NRXN1: variants seen among roughly 807,000 people sequenced by gnomAD.
NRXN1 encodes neurexin 1.
A neutral mutation model predicts 150.9 loss-of-function variants in NRXN1; 39 were observed. The observed-to-expected ratio is 0.26, with a 90% CI of 0.20 to 0.34. NRXN1 has a LOEUF of 0.34. Ranked by LOEUF, NRXN1 falls within the 10% of genes least tolerant of loss-of-function variation. The pLI, the probability that NRXN1 is intolerant of heterozygous loss-of-function variation, is 1.00. For missense variants in NRXN1, 1,815 were observed against 1,949.9 expected (o/e 0.93, Z 1.30); for synonymous variants, 924 against 757.0 (o/e 1.22, Z -3.62).
intron 21 of NRXN1, among the ~76,000 whole-genome samples, chr2:50,011,392 T>C (rs1489683807): frequency 6.6e-6 from 1 of 152,158 alleles, no homozygotes; most frequent in Non-Finnish European, 1.5e-5. Context: ...GAAATAAACA[T>C]GTTCAGAGAA....
chr2:50,935,245 A>C (rs990999599), intron 2 of NRXN1, among the ~76,000 whole-genome samples: 11 of 152,192 alleles, frequency 7.2e-5, no homozygotes, highest in Admixed American at 6.6e-4. Context: ...TAGAAAAATA[A>C]ACCAAATGAG....
At chr2:50,528,241 A>ATT (rs3052538) in intron 12 of NRXN1, among the ~76,000 whole-genome samples, 40,702 of 151,112 alleles carry the variant, frequency 0.27, 6,350 homozygotes, top group Admixed American at 0.35. Flanking sequence ...GGAATTAAGT[A>ATT]TTTTTTTTTG....
intron 18 of NRXN1, among the ~76,000 whole-genome samples, chr2:50,107,539 A>ATATTTTTT (rs59921941): frequency 1.5e-5 from 2 of 129,884 alleles, no homozygotes; most frequent in Non-Finnish European, 3.2e-5. Flanking sequence ...ATATATATAT[A>ATATTTTTT]TTTTTTTTTT....
At chr2:50,975,185 T>G (rs1421087090) in intron 2 of NRXN1, among the ~76,000 whole-genome samples, 1 of 152,172 alleles carries the variant, frequency 6.6e-6, no homozygotes, top group Non-Finnish European at 1.5e-5. Flanking sequence ...TAATGGAAAG[T>G]ATTCTTGTAT....
chr2:50,260,070 G>A (rs2068095793), intron 17 of NRXN1, among the ~76,000 whole-genome samples: 1 of 151,706 alleles, frequency 6.6e-6, no homozygotes, highest in Admixed American at 6.6e-5. Flanking sequence ...TATCAACTCT[G>A]TTGACCCTCA....
intron 22 of NRXN1, among the ~76,000 whole-genome samples, chr2:49,928,186 A>C (rs1248950969): frequency 6.6e-6 from 1 of 152,020 alleles, no homozygotes; most frequent in Non-Finnish European, 1.5e-5. Flanking sequence ...AGGGATCATT[A>C]AACTCCATAA....
At chr2:50,078,921 A>C (rs914624987) in intron 19 of NRXN1, among the ~76,000 whole-genome samples, 8 of 152,080 alleles carry the variant, frequency 5.3e-5, no homozygotes, top group African/African-American at 1.7e-4. Context: ...TTCTACTGAA[A>C]ACTTTTTCGC....
intron 21 of NRXN1, among the ~76,000 whole-genome samples, chr2:50,027,264 C>T (rs1220508362): frequency 6.6e-6 from 1 of 151,036 alleles, no homozygotes; most frequent in Non-Finnish European, 1.5e-5. Context: ...TCCTTCTTTC[C>T]TTCCTTCCTT....
intron 5 of NRXN1, among the ~76,000 whole-genome samples, chr2:50,818,457 A>AT (rs769858385): frequency 6.6e-6 from 1 of 151,774 alleles, no homozygotes; most frequent in Admixed American, 6.6e-5. Context: ...TTAATTTTTT[A>AT]TTTTTTTATT....
At chr2:50,170,884 C>T (rs554714228) in intron 18 of NRXN1, among the ~76,000 whole-genome samples, 2 of 151,628 alleles carry the variant, frequency 1.3e-5, no homozygotes, top group South Asian at 4.2e-4. Context: ...TTTTGGCACC[C>T]CCAAATTTTA....
intron 17 of NRXN1, among the ~76,000 whole-genome samples, chr2:50,424,317 A>G (rs1399378334): frequency 1.4e-3 from 69 of 49,908 alleles, no homozygotes; most frequent in East Asian, 9.5e-3. Flanking sequence ...GAGGGGGAGG[A>G]GGAGGAGGAG....
chr2:51,015,834 C>T (rs541954022), intron 2 of NRXN1, among the ~76,000 whole-genome samples: 6 of 151,730 alleles, frequency 4.0e-5, no homozygotes, highest in South Asian at 4.2e-4. Context: ...AAATGGAGCA[C>T]GTTTTTAAAC....
intron 5 of NRXN1, among the ~76,000 whole-genome samples, chr2:50,890,502 A>T (rs560626903): frequency 6.6e-6 from 1 of 151,918 alleles, no homozygotes; most frequent in Non-Finnish European, 1.5e-5. Flanking sequence ...GATTTTTTTT[A>T]ATGTGAATCG....
intron 5 of NRXN1, among the ~76,000 whole-genome samples, chr2:50,760,355 T>C (rs1701665239): frequency 6.6e-6 from 1 of 151,986 alleles, no homozygotes; most frequent in South Asian, 2.1e-4. Context: ...TTGTTCCCAG[T>C]CATAGGCCTC....
intron 8 of NRXN1, among the ~76,000 whole-genome samples, chr2:50,591,927 TCAAA>T (rs1018523226): frequency 1.3e-5 from 2 of 152,098 alleles, no homozygotes; most frequent in African/African-American, 2.4e-5. Context: ...TGTGTGGATC[TCAAA>T]CAGTTACTGT....
intron 21 of NRXN1, chr2:49,973,908 AAAC>A: frequency 1.5e-6 from 1 of 688,610 alleles, no homozygotes; most frequent in Middle Eastern, 2.4e-4. Flanking sequence ...CTGGTATCTT[AAAC>A]CCTGCATGCT....
At chr2:50,670,727 C>G (rs1012446651) in intron 5 of NRXN1, among the ~76,000 whole-genome samples, 1 of 151,892 alleles carries the variant, frequency 6.6e-6, no homozygotes, top group African/African-American at 2.4e-5. Flanking sequence ...AACACTGACT[C>G]TTTTAAAGAG....
At chr2:50,088,455 G>C (rs538727739) in intron 19 of NRXN1, among the ~76,000 whole-genome samples, 2 of 152,074 alleles carry the variant, frequency 1.3e-5, no homozygotes, top group Non-Finnish European at 2.9e-5. Flanking sequence ...ATTTTCTTGA[G>C]GGCCGACTCT....
chr2:49,935,310 A>G (rs574376284), intron 22 of NRXN1, among the ~76,000 whole-genome samples: 1 of 152,196 alleles, frequency 6.6e-6, no homozygotes, highest in Non-Finnish European at 1.5e-5. Flanking sequence ...GGATTTCTCA[A>G]GTTTACTCAA....
Sources: gnomAD v4.1 joint callset for allele counts (sites outside exome capture counted in the v4.1 genomes callset) on GRCh38, gnomAD v4.1.1 for gene constraint, MANE v1.5 for transcripts, NCBI Gene and HGNC (gene_info 2026-07-23, HGNC 2026-07-21) for gene names.